The following TTN variants were observed in gnomAD, a reference collection of about 807,000 sequenced individuals.
TTN encodes connectin.
TTN carries 1,525 observed loss-of-function variants against 3,223.0 expected under a neutral mutation model. That is an observed-to-expected ratio of 0.47 (90% confidence interval 0.45 to 0.49). The LOEUF (loss-of-function observed/expected upper bound fraction) is 0.49, where lower values mean the gene tolerates loss of function less well. Ranked by LOEUF, TTN falls within the 20% of genes least tolerant of loss-of-function variation. The pLI, the probability that TTN is intolerant of heterozygous loss-of-function variation, is 0.00. For missense variants in TTN, 40,786 were observed against 43,424.0 expected (o/e 0.94, Z 5.40); for synonymous variants, 14,094 against 15,161.0 (o/e 0.93, Z 5.17).
At position 178,734,744 on chromosome 2, in the gene TTN, G is replaced by A. The variant is rs376217206; in HGVS notation, c.15180C>T (p.Val5060=). The change falls in exon 51 of 363, where the codon GTC becomes GTT. Residue 5060 remains valine (V), a synonymous_variant. Transcript: ENST00000589042. Reference sequence around the variant, plus strand: ...TTTCAGTACTGCAGCTATCACTGCCGACGTCATTCACTGCTTCACATGAGT... The same window carrying A: ...TTTCAGTACTGCAGCTATCACTGCCAACGTCATTCACTGCTTCACATGAGT... ...GSYSCEAVND[V]GSDSCSTEIV... is the part of the protein sequence containing the mutation. 3.0e-5 allele frequency: 48 copies of A among 1,613,130 alleles called. No individual in the cohort carries two copies. In the African/African-American group the frequency reaches 4.5e-4, roughly 15 times the overall value.
intron 46 of TTN, 113 bp downstream of exon 46, chr2:178,756,109 C>T (rs1375701938): frequency 2.5e-6 from 2 of 803,628 alleles, no homozygotes; most frequent in Admixed American, 5.1e-5. Flanking sequence ...GAATAGGGTG[C>T]TAATTTAGAG....
chr2:178,750,800 G>A (rs764951188), intron 47 of TTN: 30 of 1,612,972 alleles, frequency 1.9e-5, no homozygotes, highest in Non-Finnish European at 2.5e-5. Context: ...ATTTTCAGGA[G>A]TCTCATATAC....
chr2:178,672,085 AT>A lies in TTN; in HGVS notation c.35112del (p.Lys11704AsnfsTer2). On this transcript the variant is annotated frameshift_variant, in exon 155 of 363. Coordinates refer to ENST00000589042, the MANE Select transcript of TTN (RefSeq NM_001267550.2). LOFTEE classifies it high-confidence loss of function. ...GEFHEVEEFI[K>X]LEQHRVEEEH... ...TCTTCTTCAACTCTATGTTGTTCTA[AT>A]TTGATGAATTCTTCTACTTCATGAA... 6.2e-7 allele frequency: 1 copy of A among 1,612,168 alleles called. No individual in the cohort carries two copies. Among genetic ancestry groups the A allele is most frequent in the Non-Finnish European group, 8.5e-7 (1 of 1,179,056 alleles).
In TTN at chr2:178,598,872, A is replaced by T. The variant is rs2052526239; in HGVS notation, c.56838T>A (p.Val18946=). The change falls in exon 291 of 363, where the codon GTT becomes GTA. Residue 18946 remains valine, a synonymous_variant. Transcript: ENST00000589042. ...CAATAAGACCAGTCACTTTATAAGA[A>T]ACACCCAAAGTCATGGCTTTGATAG... The part of the protein sequence containing the change: ...RDPIKAMTLG[V]SYKVTGLIEG... 1 of 1,613,138 alleles carries T rather than the reference A, an allele frequency of 6.2e-7. No individual in the cohort carries two copies. The highest frequency in any genetic ancestry group is 8.5e-7 in the Non-Finnish European group (1 of 1,179,516).
chr2:178,647,612 C>A (rs1049225801), intron 213 of TTN, 148 bp from the exon 214 acceptor site: 1 of 686,632 alleles, frequency 1.5e-6, no homozygotes, highest in African/African-American at 1.8e-5. Flanking sequence ...TTTGGACATC[C>A]TAATTTTATA....
In TTN at chr2:178,778,980, T is replaced by G. The variant is rs1377114122; in HGVS notation, c.4102A>C (p.Asn1368His). The change falls in exon 24 of 363, where the codon AAT (asparagine) becomes CAT (histidine). Residue 1368 changes from asparagine to histidine, a missense_variant. Physicochemically the swap from Asn to His is moderately conservative, Grantham distance 68. Transcript: ENST00000589042. ...DEGIYTAFAS[N>H]IKGNAICSGK... ...GAGCAAATTGCATTTCCTTTAATATTGCTGGCAAATGCAGTGTAGATTCCT... is the reference window on the plus strand; with the variant it reads ...GAGCAAATTGCATTTCCTTTAATATGGCTGGCAAATGCAGTGTAGATTCCT... 2 of 1,614,042 alleles carry G rather than the reference T, an allele frequency of 1.2e-6. No homozygotes were observed. The highest frequency in any genetic ancestry group is 1.7e-6 in the Non-Finnish European group (2 of 1,179,952).
chr2:178,704,878 T>A lies in TTN; in HGVS notation c.29693A>T (p.Glu9898Val). ...SFIQQRLSQT[E>V]PVTLIKDIEN... ...TATTATCAACATAATTCTTTTTACC[T>A]CTGTCTGTGACAGTCTTTGCTGAAT... The change falls in exon 104 of 363, where the codon GAG becomes GTG. Residue 9898 changes from glutamate to valine, a missense_variant and splice_region_variant. Coordinates refer to ENST00000589042, the MANE Select transcript of TTN (RefSeq NM_001267550.2). The A allele has an allele frequency of 6.2e-7, 1 of 1,613,206 alleles. No individual in the cohort carries two copies. The highest frequency in any genetic ancestry group is 1.3e-5 in the African/African-American group (1 of 75,034).
intron 29 of TTN, 175 bp downstream of exon 29, chr2:178,774,746 G>A: frequency 2.4e-6 from 2 of 847,576 alleles, no homozygotes; most frequent in Non-Finnish European, 3.5e-6. Context: ...AATCCAAATG[G>A]TCAAATTGTT....
Position 178,598,444 on chromosome 2 carries a change from G to A in TTN, c.57111+62C>T. The stretch of plus-strand genomic sequence containing the variant: ...TATAGACAGAAGTTAATGGGATTGA[G>A]AATAACTATGACATTTTTTAGTTTA... On this transcript the variant is annotated intron_variant, in intron 292 of 362. Coordinates refer to ENST00000589042, the MANE Select transcript of TTN (RefSeq NM_001267550.2). 3.9e-6 allele frequency: 6 copies of A among 1,555,102 alleles called. No homozygotes were observed. The South Asian group carries it at 7.4e-5, about 19-fold the overall frequency.
At chr2:178,613,981 T>G in intron 262 of TTN, 44 bp from the exon 263 acceptor site, 1 of 1,609,094 alleles carries the variant, frequency 6.2e-7, no homozygotes, top group South Asian at 1.1e-5. Context: ...GTCCTGTATA[T>G]AAATATGACA....
intron 165 of TTN, 51 bp downstream of exon 165, chr2:178,665,326 G>T: frequency 2.0e-6 from 3 of 1,493,476 alleles, no homozygotes; most frequent in South Asian, 2.3e-5. Context: ...ATAGTTTTAA[G>T]AGCAGAGGAC....
intron 166 of TTN, 32 bp from the exon 167 acceptor site, chr2:178,664,769 T>C: frequency 6.2e-7 from 1 of 1,611,114 alleles, no homozygotes; most frequent in Non-Finnish European, 8.5e-7. Context: ...ATGTTTAGTG[T>C]TATGCAGATA....
At chr2:178,599,510 G>T in intron 289 of TTN, 44 bp downstream of exon 289, 2 of 1,517,706 alleles carry the variant, frequency 1.3e-6, no homozygotes, top group South Asian at 2.8e-5. Context: ...TGTTATTTAT[G>T]AACAGAAAAA....
Position 178,617,853 on chromosome 2 carries a change from A to T in TTN, c.47498T>A (p.Val15833Glu), listed in dbSNP as rs758495958. ...VVEGQEYSFR[V>E]RAQNRIGVGK... ...AACTCCAATTCGATTTTGGGCTCTCACTCGGAAACTGTACTCCTGTCCTTC... is the reference window on the plus strand; with the variant it reads ...AACTCCAATTCGATTTTGGGCTCTCTCTCGGAAACTGTACTCCTGTCCTTC... The change falls in exon 253 of 363, where the codon GTG becomes GAG. Residue 15833 changes from valine (V) to glutamate (E), a missense_variant. Transcript: ENST00000589042. The T allele has an allele frequency of 2.5e-6, 4 of 1,612,402 alleles. No homozygotes were observed. In the Admixed American group the frequency reaches 5.0e-5, roughly 20 times the overall value.
rs727503682 is a variant in TTN, at chr2:178,767,796, C to T, written c.9434G>A (p.Arg3145Lys). 2.0e-5 allele frequency: 32 copies of T among 1,614,048 alleles called. No homozygotes were observed. In the Middle Eastern group the frequency reaches 9.9e-4, roughly 50 times the overall value. The change falls in exon 40 of 363, where the codon AGA (arginine) becomes AAA (lysine). Residue 3145 changes from arginine to lysine, a missense_variant. By Grantham distance (26) the Arg-to-Lys change is conservative. Transcript: ENST00000589042. The part of the protein sequence containing the change: ...VSTAKLFVEG[R>K]DVRIRSIKKE... Reference sequence around the variant, plus strand: ...TTTAATACTTCGGATGCGAACATCTCTGCCTTCTACAAAGAGTTTTGCAGT... The same window carrying T: ...TTTAATACTTCGGATGCGAACATCTTTGCCTTCTACAAAGAGTTTTGCAGT...
In TTN at chr2:178,621,991, A is replaced by G. The variant is rs1253945810; in HGVS notation, c.44931T>C (p.Asp14977=). 2 of 1,608,822 alleles carry G rather than the reference A, an allele frequency of 1.2e-6. No individual in the cohort carries two copies. Among genetic ancestry groups the G allele is most frequent in the Non-Finnish European group, 1.7e-6 (2 of 1,177,172 alleles). The change falls in exon 244 of 363, where the codon GAT becomes GAC. Residue 14977 remains aspartate, a synonymous_variant. Transcript: ENST00000589042. ...RENAKVKWFK[D]GAEIKKGKKY... is the part of the protein sequence containing the mutation. Reference sequence around the variant, plus strand: ...TTTTGCCCTTTTTAATTTCAGCACCATCTTTAAACCACTTAACCTATATTT... The same window carrying G: ...TTTTGCCCTTTTTAATTTCAGCACCGTCTTTAAACCACTTAACCTATATTT...
chr2:178,636,742 C>G lies in TTN; in HGVS notation c.40985G>C (p.Gly13662Ala). 1 of 1,611,658 alleles carries G rather than the reference C, an allele frequency of 6.2e-7. No individual in the cohort carries two copies. Among genetic ancestry groups the G allele is most frequent in the Non-Finnish European group, 8.5e-7 (1 of 1,178,226 alleles). The change falls in exon 225 of 363, where the codon GGA becomes GCA. Residue 13662 changes from glycine (G) to alanine (A), a missense_variant. Physicochemically the swap from Gly to Ala is moderately conservative, Grantham distance 60 (BLOSUM62 0). Transcript: ENST00000589042. The surrounding 1 kb of genome is among the most constrained non-coding windows in gnomAD (Gnocchi z 4.3). The stretch of plus-strand genomic sequence containing the variant: ...ATCAGGAGGTTTCTCTCCACCACTT[C>G]CTGGCCTTAACTTTCTCCTTTCGGC... ...IEAERRKLRP[G>A]SGGEKPPDEA...
chr2:178,610,831 T>C (rs2056164286), intron 270 of TTN, among the ~76,000 whole-genome samples, 162 bp downstream of exon 270: 1 of 152,038 alleles, frequency 6.6e-6, no homozygotes, highest in Admixed American at 6.6e-5. Context: ...TTCATCTCTT[T>C]AGAATTGTTT....
intron 102 of TTN, 25 bp downstream of exon 102, chr2:178,706,429 G>T: frequency 1.3e-6 from 2 of 1,585,468 alleles, no homozygotes; most frequent in South Asian, 1.1e-5. Context: ...CTGATTGTAC[G>T]ATTTGTGGTT....
Sources: allele counts gnomAD v4.1 joint callset (sites outside exome capture counted in the v4.1 genomes callset), GRCh38; gene constraint gnomAD v4.1.1; non-coding constraint Gnocchi (gnomAD v3.1); transcripts MANE v1.5; gene names NCBI Gene and HGNC (gene_info 2026-07-23, HGNC 2026-07-21).